Variants in NIN observed in about 807,000 individuals in gnomAD.
The protein encoded by NIN is glycogen synthase kinase 3 beta-interacting protein.
NIN carries 137 observed loss-of-function variants against 257.6 expected under a neutral mutation model. That is an observed-to-expected ratio of 0.53 (90% CI 0.46 to 0.61). The LOEUF is 0.61. Among genes scored for constraint, NIN ranks in the 20% least tolerant of loss-of-function variants. The probability of loss-of-function intolerance (pLI) is 0.00; values close to 1 mark genes in which losing one functional copy is unlikely to be tolerated. For synonymous variants in NIN, 918 were observed against 919.8 expected, an observed-to-expected ratio of 1.00 and a Z score of 0.04; for missense variants, 2,439 against 2,501.2, an observed-to-expected ratio of 0.98 and a Z score of 0.53.
intron 2 of NIN, among the ~76,000 whole-genome samples, chr14:50,826,856 C>T (rs1239645770): frequency 6.6e-6 from 1 of 152,328 alleles, no homozygotes; most frequent in Non-Finnish European, 1.5e-5. Flanking sequence ...CTGCATGCCC[C>T]TCTCGGCTCA....
intron 3 of NIN, among the ~76,000 whole-genome samples, chr14:50,809,648 T>C (rs1191650449): frequency 5.9e-5 from 9 of 152,238 alleles, no homozygotes; most frequent in Admixed American, 2.0e-4. Flanking sequence ...GGTCCTCACA[T>C]AGTTCAATTC....
chr14:50,741,109 A>G (rs1347253449), intron 25 of NIN, among the ~76,000 whole-genome samples: 2 of 152,174 alleles, frequency 1.3e-5, no homozygotes, highest in Admixed American at 6.5e-5. Flanking sequence ...ACTTTTTTGC[A>G]AGTCTGTGTA....
At chr14:50,739,242 C>A in intron 26 of NIN, 66 bp downstream of exon 26, 2 of 1,476,876 alleles carry the variant, frequency 1.4e-6, no homozygotes, top group Non-Finnish European at 1.9e-6. Context: ...TCATATCCAA[C>A]ATTCATTTTC....
chr14:50,766,563 T>G (rs1325330280), intron 13 of NIN, among the ~76,000 whole-genome samples, 167 bp from the exon 14 acceptor site: 1 of 152,108 alleles, frequency 6.6e-6, no homozygotes. Context: ...CGCACTAGAG[T>G]GACGTGTTCA....
rs1249066768 is a variant in NIN, at chr14:50,757,054, AAACCAG to A, written c.3970_3975del (p.Val1325_Leu1326del). On this transcript the variant is annotated inframe_deletion, in exon 18 of 31. Transcript: ENST00000530997. ...TTCTCAATCTTGCCTTGAAGTCTCA[AAACCAG>A]AACATTCAGCCCCTCATTTTCTATT... 32 of 1,613,754 alleles carry A rather than the reference AAACCAG, an allele frequency of 2.0e-5. No homozygotes were observed. The highest frequency in any genetic ancestry group is 2.5e-5 in the Non-Finnish European group (30 of 1,179,886).
In NIN at chr14:50,757,545, G is replaced by A; in HGVS notation, c.3485C>T (p.Ser1162Phe). 1.9e-6 allele frequency: 3 copies of A among 1,614,056 alleles called. No homozygotes were observed. The highest frequency in any genetic ancestry group is 1.3e-5 in the African/African-American group (1 of 74,992). Residue 1162 changes from serine to phenylalanine, a missense_variant, in exon 18 of 31, where the codon TCT (serine) becomes TTT (phenylalanine). Ser to Phe is a radical substitution (Grantham distance 155, BLOSUM62 -2). Coordinates refer to ENST00000530997, the MANE Select transcript of NIN (RefSeq NM_020921.4). ...VRDLGSTGTS[S>F]VQRQEVKIEE... is the part of the protein sequence containing the mutation. ...TATTTTGACTTCCTGTCTCTGAACA[G>A]AGCTCGTCCCTGTACTTCCCAGGTC...
chr14:50,771,584 C>A (rs990861135), intron 9 of NIN, 116 bp from the exon 10 acceptor site: 2 of 1,085,970 alleles, frequency 1.8e-6, no homozygotes, highest in Non-Finnish European at 2.6e-6. Flanking sequence ...AGCAATTAGA[C>A]AATTCCATTG....
chr14:50,822,258 T>G (rs571282424), intron 2 of NIN, among the ~76,000 whole-genome samples, 181 bp from the exon 3 acceptor site: 1 of 152,312 alleles, frequency 6.6e-6, no homozygotes, highest in African/African-American at 2.4e-5. Context: ...CCCTGGCCAG[T>G]GACACTCCTG....
At chr14:50,820,429 T>C (rs1220519079) in intron 3 of NIN, among the ~76,000 whole-genome samples, 1 of 152,214 alleles carries the variant, frequency 6.6e-6, no homozygotes, top group Non-Finnish European at 1.5e-5. Flanking sequence ...GAAACCTTAG[T>C]TGTATCATGC....
intron 28 of NIN, 53 bp from the exon 29 acceptor site, chr14:50,729,776 T>G: frequency 7.2e-7 from 1 of 1,382,774 alleles, no homozygotes; most frequent in Non-Finnish European, 9.8e-7. Context: ...ATCCCAGAGC[T>G]GCCCTTTATG....
Position 50,811,867 on chromosome 14 carries a change from G to A in NIN, c.184-5049C>T, listed in dbSNP as rs183793054. On this transcript the variant is annotated intron_variant, in intron 3 of 30. Coordinates refer to ENST00000530997, the MANE Select transcript of NIN (RefSeq NM_020921.4). ...AAATTAGCCAGGCGTGGTGGCGGGCGCCTGTAGTCCCAGCTACTCGGGAGG... is the reference window on the plus strand; with the variant it reads ...AAATTAGCCAGGCGTGGTGGCGGGCACCTGTAGTCCCAGCTACTCGGGAGG... Among the ~76,000 whole-genome samples the A allele has an allele frequency of 2.9e-3, 444 of 152,018 alleles. 1 individual carries two copies. The highest frequency in any genetic ancestry group is 0.01 in the African/African-American group (416 of 41,466).
Position 50,729,128 on chromosome 14 carries a change from A to C in NIN, c.6078+395T>G, listed in dbSNP as rs186897800. 3.4e-3 allele frequency among the ~76,000 whole-genome samples: 524 copies of C among 152,310 alleles called. 2 individuals are homozygous for C. Among genetic ancestry groups the C allele is most frequent in the Admixed American group, 9.7e-3 (149 of 15,300 alleles). ...TTCATCGTTTATTACAAATGGGCAA[A>C]TCGTCTATTACAGAACACTAAATGA... On this transcript the variant is annotated intron_variant, in intron 29 of 30. Transcript: ENST00000530997.
intron 17 of NIN, 102 bp from the exon 18 acceptor site, chr14:50,758,732 T>G (rs2042148850): frequency 1.9e-6 from 2 of 1,043,430 alleles, no homozygotes; most frequent in African/African-American, 3.2e-5. Context: ...AGCAAACAAC[T>G]GAAATACTCC....
chr14:50,726,224 G>T, intron 29 of NIN, 158 bp from the exon 30 acceptor site: 1 of 600,350 alleles, frequency 1.7e-6, no homozygotes, highest in Non-Finnish European at 2.9e-6. Context: ...GCCCTGCATG[G>T]ATTGCATATG....
At chr14:50,811,680 G>A (rs2044622074) in intron 3 of NIN, among the ~76,000 whole-genome samples, 1 of 149,544 alleles carries the variant, frequency 6.7e-6, no homozygotes, top group African/African-American at 2.5e-5. Flanking sequence ...CGGGCTGATT[G>A]CCTGAGCTCA....
At chr14:50,830,919 A>C (rs2045678648) in intron 1 of NIN, 87 bp downstream of exon 1, 1 of 151,206 alleles carries the variant, frequency 6.6e-6, no homozygotes, top group Non-Finnish European at 1.5e-5. Flanking sequence ...CCGGGCTCTC[A>C]GGGCCTCGCC....
At chr14:50,753,494 T>C (rs907331856) in intron 20 of NIN, among the ~76,000 whole-genome samples, 3 of 151,900 alleles carry the variant, frequency 2.0e-5, no homozygotes, top group African/African-American at 7.2e-5. Flanking sequence ...AGTAAGATAT[T>C]CCATAATGCA....
At chr14:50,810,685 G>A (rs1481126098) in intron 3 of NIN, among the ~76,000 whole-genome samples, 1 of 151,498 alleles carries the variant, frequency 6.6e-6, no homozygotes, top group Non-Finnish European at 1.5e-5. Flanking sequence ...TTTTTGAGAT[G>A]GAGTCTGGCT....
At chr14:50,823,233 T>C (rs147493066) in intron 2 of NIN, 5 of 575,672 alleles carry the variant, frequency 8.7e-6, no homozygotes, top group East Asian at 3.9e-5. Context: ...CCTGCACATC[T>C]GAAGATGCCT....
Sources: gnomAD v4.1 joint callset for allele counts (sites outside exome capture counted in the v4.1 genomes callset) on GRCh38, gnomAD v4.1.1 for gene constraint, MANE v1.5 for transcripts, NCBI Gene and HGNC (gene_info 2026-07-23, HGNC 2026-07-21) for gene names.